Variants in TRMT6 observed in about 807,000 individuals in gnomAD.
TRMT6 encodes tRNA methyltransferase 6 non-catalytic subunit.
TRMT6 carries 34 observed loss-of-function variants against 59.0 expected under a neutral mutation model. The observed-to-expected ratio is 0.58, with a 90% CI of 0.44 to 0.77. The LOEUF is 0.77. TRMT6 is among the 30% of genes least tolerant of loss of function. The probability of loss-of-function intolerance (pLI) is 0.00; values close to 1 mark genes in which losing one functional copy is unlikely to be tolerated. For synonymous variants in TRMT6, 217 were observed against 210.5 expected, an observed-to-expected ratio of 1.03 and a Z score of -0.27; for missense variants, 575 against 604.5, an observed-to-expected ratio of 0.95 and a Z score of 0.51.
chr20:5,943,584 C>G lies in TRMT6; in HGVS notation c.642G>C (p.Leu214=), dbSNP rs1423837478. The change falls in exon 6 of 11, where the codon CTG becomes CTC. Residue 214 remains leucine (L), a synonymous_variant. Transcript: ENST00000203001. ...IVMETCAGLV[L]GAMMERMGGF... ...CTCCCATTCGTTCCATCATTGCACCCAGCACCAAGCCTGCACACGTTTCCA... is the reference window on the plus strand; with the variant it reads ...CTCCCATTCGTTCCATCATTGCACCGAGCACCAAGCCTGCACACGTTTCCA... 1.9e-6 allele frequency: 3 copies of G among 1,614,176 alleles called. No individual in the cohort carries two copies. Among genetic ancestry groups the G allele is most frequent in the Admixed American group, 1.7e-5 (1 of 60,012 alleles).
chr20:5,941,814 TA>T, intron 8 of TRMT6, 136 bp downstream of exon 8: 9 of 752,924 alleles, frequency 1.2e-5, no homozygotes, highest in South Asian at 1.9e-5. Context: ...CTCCTTTCTT[TA>T]AAAAAACCCC....
chr20:5,942,472 G>C lies in TRMT6; in HGVS notation c.982C>G (p.Pro328Ala), dbSNP rs1231605667. The C allele has an allele frequency of 1.2e-6, 2 of 1,613,766 alleles. No individual in the cohort carries two copies. The highest frequency in any genetic ancestry group is 1.3e-5 in the African/African-American group (1 of 74,830). Reference protein sequence around the residue: ...QETMETISQDPEHKGPKERGS... With the variant: ...QETMETISQDAEHKGPKERGS... ...CTCTCTTTAGGCCCCTTATGTTCTG[G>C]ATCTTGAGAAATTGTTTCCATTGTT... The change falls in exon 7 of 11, where the codon CCA becomes GCA. Residue 328 changes from proline to alanine, a missense_variant. Pro to Ala is a conservative substitution (Grantham distance 27). Coordinates refer to ENST00000203001, the MANE Select transcript of TRMT6 (RefSeq NM_015939.5).
At chr20:5,944,326 A>C (rs1600224744) in intron 3 of TRMT6, 73 bp from the exon 4 acceptor site, 1 of 882,688 alleles carries the variant, frequency 1.1e-6, no homozygotes, top group East Asian at 2.7e-5. Context: ...AAGGCTTCTT[A>C]CCCAAGAATG....
chr20:5,947,505 T>G (rs1273270647), intron 1 of TRMT6, among the ~76,000 whole-genome samples: 4 of 152,222 alleles, frequency 2.6e-5, no homozygotes, highest in Admixed American at 6.5e-5. Context: ...CTTTATTGGT[T>G]CCCTAAATCG....
chr20:5,941,216 T>C (rs750314040), intron 9 of TRMT6, 27 bp downstream of exon 9: 1 of 1,608,838 alleles, frequency 6.2e-7, no homozygotes, highest in East Asian at 2.2e-5. Context: ...GACATAAGAA[T>C]TCCTGCCCAT....
intron 5 of TRMT6, 114 bp downstream of exon 5, chr20:5,943,834 G>A: frequency 6.6e-6 from 10 of 1,512,284 alleles, no homozygotes; most frequent in Non-Finnish European, 8.8e-6. Flanking sequence ...TACAATTTAT[G>A]AGGTAGGAGG....
chr20:5,948,999 C>T (rs2088738132), intron 1 of TRMT6, among the ~76,000 whole-genome samples: 3 of 152,160 alleles, frequency 2.0e-5, no homozygotes, highest in Admixed American at 2.0e-4. Flanking sequence ...CTGCAGAAAG[C>T]TGTTCTCCTG....
chr20:5,950,287 T>TTTAAACTC lies in TRMT6; in HGVS notation c.118_119insGAGTTTAA (p.Gln40ArgfsTer3). The TTTAAACTC allele has an allele frequency of 6.2e-7, 1 of 1,607,558 alleles. No homozygotes were observed. The highest frequency in any genetic ancestry group is 8.5e-7 in the Non-Finnish European group (1 of 1,175,620). On this transcript the variant is annotated stop_gained and frameshift_variant, in exon 1 of 11. Transcript: ENST00000203001. LOFTEE classifies it high-confidence loss of function. Reference sequence around the variant, plus strand: ...CAGCGATCTGACTTACTTTCTCCGCTGGACTTGTACTGCTTTAAACACATC... The same window carrying TTTAAACTC: ...CAGCGATCTGACTTACTTTCTCCGCTTTAAACTCGGACTTGTACTGCTTTAAACACATC...
In TRMT6 at chr20:5,941,270, C is replaced by G. The variant is rs187405855; in HGVS notation, c.1188G>C (p.Pro396=). 26 of 1,613,998 alleles carry G rather than the reference C, an allele frequency of 1.6e-5. No homozygotes were observed. The highest frequency in any genetic ancestry group is 3.3e-4 in the Middle Eastern group (2 of 6,084). Residue 396 remains proline (P), a synonymous_variant, in exon 9 of 11, where the codon CCG becomes CCC. Transcript: ENST00000203001. ...SLLDFVAPSR[P]FVVYCQYKEP... Reference sequence around the variant, plus strand: ...CTTTGTACTGACAGTAGACCACAAACGGCCTTGAAGGGGCCACAAAGTCCA... The same window carrying G: ...CTTTGTACTGACAGTAGACCACAAAGGGCCTTGAAGGGGCCACAAAGTCCA...
Position 5,950,501 on chromosome 20 carries a change from A to G in TRMT6, c.-96T>C, listed in dbSNP as rs907991015. 7.2e-7 allele frequency: 1 copy of G among 1,390,402 alleles called. No homozygotes were observed. The highest frequency in any genetic ancestry group is 1.5e-5 in the African/African-American group (1 of 68,058). The allele number at this position is 1,390,402 out of a possible 1,614,324, so 86.1% of individuals were successfully genotyped here. ...ACTTCCCACAACCTGGCGCACTAGG[A>G]GCCCTCCGACCGGCACCGCCCCCAC... On this transcript the variant is annotated 5_prime_UTR_variant, in exon 1 of 11. Transcript: ENST00000203001.
Position 5,937,449 on chromosome 20 carries a change from T to C in TRMT6, c.*1086A>G, listed in dbSNP as rs984855976. 2 of 152,266 alleles carry C rather than the reference T, an allele frequency of 1.3e-5. No homozygotes were observed. The highest frequency in any genetic ancestry group is 4.8e-5 in the African/African-American group (2 of 41,464). 9.4% of individuals were successfully genotyped at this position (152,266 alleles called of 1,614,324 possible). On this transcript the variant is annotated 3_prime_UTR_variant, in exon 11 of 11. Transcript: ENST00000203001. ...CTCTCAAATGAACAAGAGCCTTGGC[T>C]GATTCTAAACACTTTCTTTGCTACA... is the stretch of plus-strand genomic sequence containing the variant.
chr20:5,944,247 C>A lies in TRMT6; in HGVS notation c.373G>T (p.Val125Phe). The A allele has an allele frequency of 6.5e-7, 1 of 1,550,366 alleles. No individual in the cohort carries two copies. Among genetic ancestry groups the A allele is most frequent in the South Asian group, 1.2e-5 (1 of 80,548 alleles). The stretch of plus-strand genomic sequence containing the variant: ...GTACTATTTTCAATTAACTGCTGAA[C>A]TATTTCCTATAAGAAAAGGAGCAAG... ...KDKGIKGEEIVQQLIENSTTF... is the reference protein window; with the variant it reads ...KDKGIKGEEIFQQLIENSTTF... Residue 125 changes from valine to phenylalanine, a missense_variant, in exon 4 of 11, where the codon GTT becomes TTT. Transcript: ENST00000203001.
At chr20:5,945,065 A>G (rs969380218) in intron 2 of TRMT6, 151 bp from the exon 3 acceptor site, 2 of 611,774 alleles carry the variant, frequency 3.3e-6, no homozygotes, top group Admixed American at 5.8e-5. Context: ...TCCTGCCAAA[A>G]CTACTCCAAG....
chr20:5,941,372 T>G (rs928697746), intron 8 of TRMT6, 27 bp from the exon 9 acceptor site: 3 of 1,540,756 alleles, frequency 1.9e-6, no homozygotes, highest in Non-Finnish European at 2.7e-6. Context: ...AGACAAATTA[T>G]TTCTCTACAC....
chr20:5,947,418 C>T (rs2088717366), intron 1 of TRMT6, among the ~76,000 whole-genome samples: 3 of 152,334 alleles, frequency 2.0e-5, no homozygotes, highest in Non-Finnish European at 2.9e-5. Context: ...AAGCTGATTA[C>T]GACAGAATAT....
At chr20:5,941,528 CG>C in intron 8 of TRMT6, 183 bp from the exon 9 acceptor site, 1 of 594,108 alleles carries the variant, frequency 1.7e-6, no homozygotes, top group East Asian at 2.8e-5. Context: ...CTAGGAAACG[CG>C]AACTAGGTTA....
In TRMT6 at chr20:5,938,492, G is replaced by A. The variant is rs2088626633; in HGVS notation, c.*43C>T. On this transcript the variant is annotated 3_prime_UTR_variant, in exon 11 of 11. Coordinates refer to ENST00000203001, the MANE Select transcript of TRMT6 (RefSeq NM_015939.5). ...GGCATTTAAAGTTTAATTACTAACT[G>A]TATAATGCCTGAGAACAAAATTCAG... is the stretch of plus-strand genomic sequence containing the variant. The A allele has an allele frequency of 5.1e-6, 8 of 1,576,388 alleles. No individual in the cohort carries two copies. The South Asian group carries it at 9.1e-5, about 18-fold the overall frequency.
chr20:5,940,942 T>A (rs1260561399), intron 10 of TRMT6, 111 bp downstream of exon 10: 1 of 885,510 alleles, frequency 1.1e-6, no homozygotes, highest in East Asian at 2.4e-5. Context: ...ATTACAGGCA[T>A]AAGCCACTGT....
chr20:5,944,096 A>C (rs2088684180), intron 4 of TRMT6, 65 bp from the exon 5 acceptor site: 2 of 1,380,640 alleles, frequency 1.4e-6, no homozygotes, highest in Admixed American at 4.7e-5. Flanking sequence ...TTTGTAATAA[A>C]ATGTATATTT....
Sources: gnomAD v4.1 joint callset for allele counts (sites outside exome capture counted in the v4.1 genomes callset) on GRCh38, gnomAD v4.1.1 for gene constraint, MANE v1.5 for transcripts, NCBI Gene and HGNC (gene_info 2026-07-23, HGNC 2026-07-21) for gene names.